GPC5: variants seen among roughly 807,000 people sequenced by gnomAD.
GPC5 encodes glypican 5.
Under a neutral mutation model 53.9 loss-of-function variants are expected in GPC5, and 47 were observed. The ratio of observed to expected loss-of-function variants is 0.87; its 90% CI spans 0.69 to 1.11. GPC5 has a LOEUF of 1.11. Among genes scored for constraint, GPC5 ranks in the 50% most tolerant of loss-of-function variants. The probability of loss-of-function intolerance (pLI) is 0.00; values close to 1 mark genes in which losing one functional copy is unlikely to be tolerated. For synonymous variants in GPC5, 286 were observed against 263.3 expected (o/e 1.09, Z -0.84); for missense variants, 748 against 713.1 (o/e 1.05, Z -0.56).
chr13:92,745,572 C>T (rs1462551345), intron 7 of GPC5, among the ~76,000 whole-genome samples: 1 of 152,098 alleles, frequency 6.6e-6, no homozygotes, highest in Non-Finnish European at 1.5e-5. Flanking sequence ...CCTTTCTGAA[C>T]AAGCTGAGTC....
intron 7 of GPC5, among the ~76,000 whole-genome samples, chr13:92,610,839 T>C (rs968144089): frequency 1.3e-5 from 2 of 151,972 alleles, no homozygotes; most frequent in African/African-American, 4.8e-5. Context: ...TCACTCACTA[T>C]CACCCCCATG....
At chr13:92,850,517 G>C (rs1332132204) in intron 7 of GPC5, among the ~76,000 whole-genome samples, 1 of 152,018 alleles carries the variant, frequency 6.6e-6, no homozygotes, top group Non-Finnish European at 1.5e-5. Flanking sequence ...GAGAATCGCT[G>C]GAACCCAGGA....
At chr13:92,355,366 A>C (rs931890940) in intron 7 of GPC5, among the ~76,000 whole-genome samples, 1 of 152,072 alleles carries the variant, frequency 6.6e-6, no homozygotes, top group African/African-American at 2.4e-5. Flanking sequence ...GCAGTATTAA[A>C]ACCTAAGGAC....
chr13:92,809,344 A>G (rs1417677280), intron 7 of GPC5, among the ~76,000 whole-genome samples: 1 of 152,182 alleles, frequency 6.6e-6, no homozygotes, highest in African/African-American at 2.4e-5. Context: ...ACATACTGCA[A>G]TCGCTGTTCA....
intron 7 of GPC5, among the ~76,000 whole-genome samples, chr13:92,474,395 T>A (rs1879022894): frequency 6.6e-6 from 1 of 152,032 alleles, no homozygotes; most frequent in Admixed American, 6.6e-5. Flanking sequence ...AGTAATTGTG[T>A]TACGGTGGCC....
chr13:92,157,594 A>C (rs1231329876), intron 7 of GPC5, among the ~76,000 whole-genome samples: 1 of 152,216 alleles, frequency 6.6e-6, no homozygotes, highest in Non-Finnish European at 1.5e-5. Flanking sequence ...TACAATTACA[A>C]ATGTTCTAAA....
At chr13:92,118,172 G>A (rs1809610941) in intron 6 of GPC5, among the ~76,000 whole-genome samples, 1 of 152,120 alleles carries the variant, frequency 6.6e-6, no homozygotes, top group Non-Finnish European at 1.5e-5. Flanking sequence ...ATAAAGAATA[G>A]ATGTTGAATT....
intron 7 of GPC5, among the ~76,000 whole-genome samples, chr13:92,392,966 T>G (rs994579531): frequency 6.6e-6 from 1 of 152,198 alleles, no homozygotes; most frequent in African/African-American, 2.4e-5. Context: ...GTAAATTAGT[T>G]CAACCATTGT....
intron 7 of GPC5, among the ~76,000 whole-genome samples, chr13:92,466,848 A>G (rs1320847463): frequency 1.3e-5 from 2 of 152,114 alleles, no homozygotes; most frequent in African/African-American, 2.4e-5. Context: ...CGTTGAGTGA[A>G]TATCAAACAA....
At chr13:92,126,546 T>A (rs995544788) in intron 6 of GPC5, among the ~76,000 whole-genome samples, 7 of 152,184 alleles carry the variant, frequency 4.6e-5, no homozygotes, top group Non-Finnish European at 8.8e-5. Flanking sequence ...ATGGGCCGAA[T>A]CTAGTCTGCA....
At chr13:91,520,907 ATAAC>A (rs1161828254) in intron 2 of GPC5, among the ~76,000 whole-genome samples, 5 of 152,154 alleles carry the variant, frequency 3.3e-5, no homozygotes, top group Admixed American at 6.5e-5. Flanking sequence ...CTTTCAAAGA[ATAAC>A]TAAACATCCT....
chr13:91,946,239 T>C (rs1195395852), intron 6 of GPC5, among the ~76,000 whole-genome samples: 1 of 152,168 alleles, frequency 6.6e-6, no homozygotes, highest in East Asian at 1.9e-4. Context: ...AAATAAAGCT[T>C]ACTGTTTTGT....
chr13:92,712,104 C>G (rs1888159548), intron 7 of GPC5, among the ~76,000 whole-genome samples: 1 of 148,958 alleles, frequency 6.7e-6, no homozygotes, highest in Admixed American at 6.9e-5. Context: ...TAAAATAGTT[C>G]TTGTAAAGAT....
At chr13:92,511,435 C>A (rs768163443) in intron 7 of GPC5, among the ~76,000 whole-genome samples, 1 of 152,180 alleles carries the variant, frequency 6.6e-6, no homozygotes, top group Middle Eastern at 3.2e-3. Flanking sequence ...TCCTAACGGT[C>A]ATACTTGTAA....
chr13:91,751,752 T>G (rs927366357), intron 4 of GPC5, among the ~76,000 whole-genome samples: 1 of 152,184 alleles, frequency 6.6e-6, no homozygotes, highest in Admixed American at 6.5e-5. Context: ...ACCCAAATAT[T>G]TTCAACTGTC....
At chr13:91,553,390 A>G (rs192403794) in intron 2 of GPC5, among the ~76,000 whole-genome samples, 1 of 139,570 alleles carries the variant, frequency 7.2e-6, no homozygotes, top group East Asian at 2.1e-4. Context: ...TATTAAATTT[A>G]TACTCCTTCT....
intron 6 of GPC5, among the ~76,000 whole-genome samples, chr13:91,968,542 A>G (rs913670715): frequency 2.6e-5 from 4 of 151,902 alleles, no homozygotes; most frequent in Non-Finnish European, 2.9e-5. Context: ...GCTCACTGCA[A>G]CCTCCACCTC....
chr13:92,707,351 AC>A (rs1270654570), intron 7 of GPC5, among the ~76,000 whole-genome samples: 1 of 152,028 alleles, frequency 6.6e-6, no homozygotes, highest in Non-Finnish European at 1.5e-5. Context: ...GAAGAAATGC[AC>A]CCTGACTGTC....
At chr13:91,745,106 C>A (rs1029645834) in intron 4 of GPC5, among the ~76,000 whole-genome samples, 8 of 151,934 alleles carry the variant, frequency 5.3e-5, no homozygotes, top group African/African-American at 1.9e-4. Context: ...TGTTTAAAGT[C>A]CTTTTTAATG....
Sources: allele counts gnomAD v4.1 joint callset (sites outside exome capture counted in the v4.1 genomes callset), GRCh38; gene constraint gnomAD v4.1.1; transcripts MANE v1.5; gene names NCBI Gene and HGNC (gene_info 2026-07-23, HGNC 2026-07-21).